Variants in PIGK observed in about 807,000 individuals in gnomAD.
PIGK encodes the protein phosphatidylinositol glycan anchor biosynthesis class K, also known as GPI-anchor transamidase.
Under a neutral mutation model 50.6 loss-of-function variants are expected in PIGK, and 42 were observed. The observed-to-expected ratio is 0.83, with a 90% CI of 0.65 to 1.07. The LOEUF (loss-of-function observed/expected upper bound fraction) is 1.07. Ranked by LOEUF, PIGK falls within the 50% of genes least tolerant of loss-of-function variation. The pLI is 0.00. For missense variants in PIGK, 448 were observed against 488.7 expected (o/e 0.92, Z 0.78); for synonymous variants, 151 against 156.0 (o/e 0.97, Z 0.24).
intron 9 of PIGK, among the ~76,000 whole-genome samples, chr1:77,144,932 C>T (rs781683292): frequency 1.2e-4 from 18 of 151,654 alleles, no homozygotes; most frequent in Admixed American, 2.6e-4. Flanking sequence ...AAATAAAATG[C>T]TGAGATAATG....
intron 3 of PIGK, 119 bp downstream of exon 3, chr1:77,206,521 T>C: frequency 3.1e-6 from 2 of 640,386 alleles, no homozygotes; most frequent in Non-Finnish European, 5.4e-6. Flanking sequence ...CAAAAAATCT[T>C]CAAATCAGAT....
chr1:77,117,912 T>A (rs1654015336), intron 10 of PIGK, among the ~76,000 whole-genome samples: 1 of 152,228 alleles, frequency 6.6e-6, no homozygotes, highest in Admixed American at 6.5e-5. Flanking sequence ...CACAGTGTCC[T>A]CAATTTATGC....
intron 9 of PIGK, among the ~76,000 whole-genome samples, chr1:77,147,987 T>A (rs560357008): frequency 1.4e-3 from 216 of 152,334 alleles, no homozygotes; most frequent in African/African-American, 4.9e-3. Context: ...TCTAGTGTAC[T>A]ACACAAAATA....
intron 3 of PIGK, among the ~76,000 whole-genome samples, chr1:77,183,828 G>A (rs1655676657): frequency 6.6e-6 from 1 of 152,148 alleles, no homozygotes; most frequent in South Asian, 2.1e-4. Context: ...TGTAGAGAAA[G>A]GGACCCAAAG....
intron 3 of PIGK, among the ~76,000 whole-genome samples, chr1:77,185,276 G>C (rs1243796007): frequency 6.6e-6 from 1 of 152,162 alleles, no homozygotes; most frequent in Admixed American, 6.5e-5. Flanking sequence ...TATTTAGAGA[G>C]ACCTTGATCC....
At chr1:77,189,843 T>C (rs1655857635) in intron 3 of PIGK, among the ~76,000 whole-genome samples, 1 of 150,558 alleles carries the variant, frequency 6.6e-6, no homozygotes, top group East Asian at 1.9e-4. Context: ...AGAACCCTAA[T>C]ACAACTCAGT....
At chr1:77,113,784 A>G (rs1653905836) in intron 10 of PIGK, among the ~76,000 whole-genome samples, 1 of 152,144 alleles carries the variant, frequency 6.6e-6, no homozygotes, top group South Asian at 2.1e-4. Flanking sequence ...AGAATAGGTG[A>G]CCACATAGCA....
chr1:77,182,949 A>G (rs925193271), intron 3 of PIGK, among the ~76,000 whole-genome samples: 2 of 152,210 alleles, frequency 1.3e-5, no homozygotes, highest in South Asian at 4.1e-4. Context: ...CTTGGTGGAC[A>G]AAGTGATAAA....
intron 10 of PIGK, among the ~76,000 whole-genome samples, chr1:77,095,104 A>G (rs1653380586): frequency 1.3e-5 from 2 of 152,120 alleles, no homozygotes; most frequent in Non-Finnish European, 2.9e-5. Flanking sequence ...TTTTTGATTA[A>G]TAAAAAATGG....
chr1:77,201,374 C>A (rs141867768), intron 3 of PIGK, among the ~76,000 whole-genome samples: 4 of 152,194 alleles, frequency 2.6e-5, no homozygotes, highest in African/African-American at 9.6e-5. Context: ...AAGACTCTTA[C>A]GGATTTCTGA....
chr1:77,098,292 A>C (rs1653466967), intron 10 of PIGK, among the ~76,000 whole-genome samples: 1 of 152,186 alleles, frequency 6.6e-6, no homozygotes, highest in East Asian at 1.9e-4. Flanking sequence ...AAGGCTATTA[A>C]TAAGCCTAAA....
At chr1:77,092,655 CAG>C (rs1653326660) in intron 10 of PIGK, among the ~76,000 whole-genome samples, 165 bp from the exon 11 acceptor site, 1 of 152,090 alleles carries the variant, frequency 6.6e-6, no homozygotes, top group South Asian at 2.1e-4. Context: ...AGACTTCAGA[CAG>C]GGTAAATATC....
At chr1:77,111,654 G>A (rs1053038564) in intron 10 of PIGK, among the ~76,000 whole-genome samples, 8 of 151,904 alleles carry the variant, frequency 5.3e-5, no homozygotes, top group Non-Finnish European at 1.0e-4. Flanking sequence ...TATACCTAAT[G>A]CTAAATAACG....
At chr1:77,158,817 G>C (rs1413296541) in intron 8 of PIGK, among the ~76,000 whole-genome samples, 2 of 152,092 alleles carry the variant, frequency 1.3e-5, no homozygotes, top group Non-Finnish European at 2.9e-5. Flanking sequence ...ATGAAGATAT[G>C]GTTTGGAATT....
chr1:77,219,029 A>G (rs1205326907), intron 1 of PIGK, among the ~76,000 whole-genome samples: 1 of 152,172 alleles, frequency 6.6e-6, no homozygotes. Flanking sequence ...ACATTTCACG[A>G]GCCTCTTGCT....
At chr1:77,206,945 T>A (rs947040571) in intron 2 of PIGK, among the ~76,000 whole-genome samples, 1 of 152,120 alleles carries the variant, frequency 6.6e-6, no homozygotes, top group African/African-American at 2.4e-5. Flanking sequence ...GGCGGGAAGA[T>A]CACTTGGGTC....
chr1:77,191,827 A>G (rs1655912073), intron 3 of PIGK, among the ~76,000 whole-genome samples: 1 of 152,136 alleles, frequency 6.6e-6, no homozygotes, highest in African/African-American at 2.4e-5. Context: ...GGAGTTTGAG[A>G]CCAGCCCAGG....
chr1:77,181,610 T>C (rs1655616391), intron 3 of PIGK, among the ~76,000 whole-genome samples: 1 of 152,138 alleles, frequency 6.6e-6, no homozygotes, highest in Non-Finnish European at 1.5e-5. Context: ...AAAAGCATCA[T>C]CCCAAGCTAG....
intron 9 of PIGK, among the ~76,000 whole-genome samples, chr1:77,125,475 T>C (rs1282518484): frequency 6.6e-6 from 1 of 152,214 alleles, no homozygotes; most frequent in Admixed American, 6.5e-5. Context: ...TCAATTAAAA[T>C]GATTACTCAT....
Sources: gnomAD v4.1 joint callset for allele counts (sites outside exome capture counted in the v4.1 genomes callset) on GRCh38, gnomAD v4.1.1 for gene constraint, MANE v1.5 for transcripts, NCBI Gene and HGNC (gene_info 2026-07-23, HGNC 2026-07-21) for gene names.